Variants in KAZN observed in about 807,000 individuals in gnomAD.
The protein encoded by KAZN is kazrin.
Under a neutral mutation model 87.4 loss-of-function variants are expected in KAZN, and 40 were observed. That is an observed-to-expected ratio of 0.46 (90% CI 0.36 to 0.60). The LOEUF is 0.60. Ranked by LOEUF, KAZN falls within the 20% of genes least tolerant of loss-of-function variation. The pLI, the probability that KAZN is intolerant of heterozygous loss-of-function variation, is 0.00. For missense variants in KAZN, 898 were observed against 1,073.9 expected, an observed-to-expected ratio of 0.84 and a Z score of 2.29; for synonymous variants, 466 against 458.3, an observed-to-expected ratio of 1.02 and a Z score of -0.22.
chr1:14,389,572 A>AT (rs1196183274), intron 2 of KAZN, among the ~76,000 whole-genome samples: 1 of 152,250 alleles, frequency 6.6e-6, no homozygotes, highest in East Asian at 1.9e-4. Flanking sequence ...ACTGGAGGCC[A>AT]TTATGTTAAG....
chr1:14,883,359 G>GA (rs1653631393), intron 1 of KAZN, among the ~76,000 whole-genome samples: 2 of 43,940 alleles, frequency 4.6e-5, no homozygotes, highest in African/African-American at 8.6e-5. Context: ...AGAAAGAAAA[G>GA]AAAGAAAGAA....
At chr1:14,546,833 T>A (rs988160363) in intron 2 of KAZN, among the ~76,000 whole-genome samples, 6 of 152,178 alleles carry the variant, frequency 3.9e-5, no homozygotes, top group African/African-American at 1.4e-4. Flanking sequence ...AGAAGCATCT[T>A]TCTTGCTGTA....
At chr1:14,454,499 A>G (rs1667456786) in intron 2 of KAZN, among the ~76,000 whole-genome samples, 1 of 152,218 alleles carries the variant, frequency 6.6e-6, no homozygotes, top group Non-Finnish European at 1.5e-5. Flanking sequence ...CTCTTCTGGA[A>G]CTTTCCATCC....
Position 13,998,612 on chromosome 1 carries a change from T to TA in KAZN, c.91+104868dup, listed in dbSNP as rs35049867. 3.5e-3 allele frequency among the ~76,000 whole-genome samples: 462 copies of TA among 131,370 alleles called. 3 individuals carry two copies. The highest frequency in any genetic ancestry group is 0.012 in the Middle Eastern group (3 of 260). The allele number at this position is 131,370 out of a possible 152,430, so 86.2% of individuals were successfully genotyped here. A position where few individuals can be genotyped will look rare whatever the true frequency, so the allele number is the denominator to read the frequency against. ...AAAACAGACTTTAAACCAAGAAAGA[T>TA]AAAAAAAAAAAAGAAGGGTAATGGT... On this transcript the variant is annotated intron_variant, in intron 1 of 16. Transcript: ENST00000636203.
intron 1 of KAZN, among the ~76,000 whole-genome samples, chr1:14,141,484 T>C (rs1310293896): frequency 7.5e-6 from 1 of 134,218 alleles, no homozygotes; most frequent in East Asian, 2.0e-4. Context: ...GAACGGCTCA[T>C]TTACAGTAAT....
intron 2 of KAZN, among the ~76,000 whole-genome samples, chr1:14,578,092 C>A (rs1675304308): frequency 6.6e-6 from 1 of 152,118 alleles, no homozygotes; most frequent in Non-Finnish European, 1.5e-5. Flanking sequence ...ATTCAATGAG[C>A]TCCTTCGGAT....
intron 3 of KAZN, among the ~76,000 whole-genome samples, chr1:15,041,331 C>CTTTTTTTTTTT (rs71000360): frequency 5.2e-4 from 59 of 114,120 alleles, no homozygotes; most frequent in Non-Finnish European, 6.1e-4. Context: ...CATTTTTTTT[C>CTTTTTTTTTTT]TTTTTTTTTT....
At chr1:13,923,307 C>A (rs1388884728) in intron 1 of KAZN, among the ~76,000 whole-genome samples, 1 of 152,130 alleles carries the variant, frequency 6.6e-6, no homozygotes, top group African/African-American at 2.4e-5. Flanking sequence ...GGGGTGGTGG[C>A]TCACGCCTGT....
intron 8 of KAZN, among the ~76,000 whole-genome samples, chr1:15,082,591 G>A (rs1425541067): frequency 6.6e-6 from 1 of 152,222 alleles, no homozygotes; most frequent in African/African-American, 2.4e-5. Context: ...AGGGACATGC[G>A]GGACCAGGAT....
At chr1:14,384,270 A>G (rs1373775015) in intron 2 of KAZN, among the ~76,000 whole-genome samples, 1 of 151,914 alleles carries the variant, frequency 6.6e-6, no homozygotes, top group Admixed American at 6.6e-5. Context: ...AACAGGGATA[A>G]TTTGACTTCC....
chr1:14,661,069 A>G (rs1216302352), intron 1 of KAZN, among the ~76,000 whole-genome samples: 2 of 152,206 alleles, frequency 1.3e-5, no homozygotes, highest in African/African-American at 4.8e-5. Context: ...CGAGCCCTGT[A>G]TTAGGCCTTT....
intron 1 of KAZN, among the ~76,000 whole-genome samples, chr1:13,901,042 G>GA (rs35671009): frequency 3.0e-4 from 44 of 145,818 alleles, no homozygotes; most frequent in Middle Eastern, 3.5e-3. Context: ...GCTAATCATT[G>GA]AAAAAAAAAA....
chr1:15,034,985 A>G (rs1557737736), intron 3 of KAZN, 100 bp downstream of exon 3: 3 of 1,432,404 alleles, frequency 2.1e-6, no homozygotes, highest in African/African-American at 1.4e-5. Context: ...TGAATCCCCA[A>G]ACACAGATAG....
chr1:14,147,488 GGGA>G (rs1481369460), intron 1 of KAZN, among the ~76,000 whole-genome samples: 2 of 152,104 alleles, frequency 1.3e-5, no homozygotes, highest in East Asian at 3.9e-4. Flanking sequence ...TAGATTTATT[GGGA>G]GGATTAAAAC....
intron 1 of KAZN, among the ~76,000 whole-genome samples, chr1:14,836,438 G>A (rs1324551153): frequency 6.6e-6 from 1 of 152,148 alleles, no homozygotes; most frequent in South Asian, 2.1e-4. Flanking sequence ...GTTTTGTTGC[G>A]AGTGGCAAGT....
chr1:14,002,495 T>C (rs1202831500), intron 1 of KAZN, among the ~76,000 whole-genome samples: 1 of 152,214 alleles, frequency 6.6e-6, no homozygotes, highest in Non-Finnish European at 1.5e-5. Context: ...GAAGTGCCTT[T>C]TGCCTTCTGC....
At chr1:14,501,906 G>A (rs745943113) in intron 2 of KAZN, among the ~76,000 whole-genome samples, 4 of 152,194 alleles carry the variant, frequency 2.6e-5, no homozygotes, top group Non-Finnish European at 5.9e-5. Flanking sequence ...ATGCAATATT[G>A]AGAATAGCCA....
At chr1:14,278,733 T>C (rs1652598965) in intron 2 of KAZN, among the ~76,000 whole-genome samples, 1 of 152,222 alleles carries the variant, frequency 6.6e-6, no homozygotes. Context: ...TAAGACTTTT[T>C]ACCTCTATGG....
At chr1:14,843,200 T>C (rs1254602241) in intron 1 of KAZN, among the ~76,000 whole-genome samples, 1 of 152,208 alleles carries the variant, frequency 6.6e-6, no homozygotes, top group Non-Finnish European at 1.5e-5. Flanking sequence ...CGATTCCTAC[T>C]GTGTGCTTAG....
Sources: allele counts gnomAD v4.1 joint callset (sites outside exome capture counted in the v4.1 genomes callset), GRCh38; gene constraint gnomAD v4.1.1; transcripts MANE v1.5; gene names NCBI Gene and HGNC (gene_info 2026-07-23, HGNC 2026-07-21).